PREX2: variants seen among roughly 807,000 people sequenced by gnomAD.
PREX2 encodes phosphatidylinositol-3,4,5-trisphosphate dependent Rac exchange factor 2, also known as phosphatidylinositol 3,4,5-trisphosphate-dependent Rac exchanger 2 protein.
Under a neutral mutation model 203.2 loss-of-function variants are expected in PREX2, and 107 were observed. The ratio of observed to expected loss-of-function variants is 0.53; its 90% CI spans 0.45 to 0.62. The LOEUF (loss-of-function observed/expected upper bound fraction) is 0.62. Among genes scored for constraint, PREX2 ranks in the 20% least tolerant of loss-of-function variants. The pLI is 0.00. For synonymous variants in PREX2, 672 were observed against 663.6 expected (o/e 1.01, Z -0.19); for missense variants, 1,777 against 1,955.9 (o/e 0.91, Z 1.72).
chr8:68,161,645 A>C (rs191613024), intron 35 of PREX2, among the ~76,000 whole-genome samples: 115 of 152,270 alleles, frequency 7.6e-4, no homozygotes, highest in Non-Finnish European at 1.3e-3. Flanking sequence ...CATAGGACAA[A>C]AATTTACTTT....
intron 1 of PREX2, among the ~76,000 whole-genome samples, chr8:67,972,852 A>G (rs1054228180): frequency 1.3e-5 from 2 of 152,196 alleles, no homozygotes; most frequent in Non-Finnish European, 2.9e-5. Flanking sequence ...TCCCAAAATC[A>G]TGTCTTCTAT....
intron 21 of PREX2, 100 bp from the exon 22 acceptor site, chr8:68,096,917 T>C (rs982677352): frequency 2.1e-6 from 2 of 950,922 alleles, no homozygotes; most frequent in East Asian, 2.5e-5. Flanking sequence ...AACCATCCCT[T>C]AAAGAACTCT....
intron 20 of PREX2, 23 bp from the exon 21 acceptor site, chr8:68,093,581 GT>G: frequency 2.4e-6 from 3 of 1,237,866 alleles, no homozygotes; most frequent in Non-Finnish European, 3.5e-6. Flanking sequence ...TACCTCTGAG[GT>G]TTCTTTCCCC....
chr8:68,168,400 A>G (rs1267574426), intron 35 of PREX2, among the ~76,000 whole-genome samples: 1 of 152,234 alleles, frequency 6.6e-6, no homozygotes, highest in Non-Finnish European at 1.5e-5. Context: ...ATTATACTTT[A>G]TTAAGAAAAT....
Position 68,087,771 on chromosome 8 carries a change from G to A in PREX2, c.2075G>A (p.Arg692Gln), listed in dbSNP as rs754576257. ...DSADGLGFQI[R>Q]GFGPSVVHAV... ...GCTGATGGACTTGGCTTCCAGATCCGGGGATTTGGCCCTTCTGTTGTGCAT... is the reference window on the plus strand; with the variant it reads ...GCTGATGGACTTGGCTTCCAGATCCAGGGATTTGGCCCTTCTGTTGTGCAT... The change falls in exon 19 of 40, where the codon CGG (arginine) becomes CAG (glutamine). Residue 692 changes from arginine to glutamine, a missense_variant. By Grantham distance (43) the Arg-to-Gln change is conservative. Coordinates refer to ENST00000288368, the MANE Select transcript of PREX2 (RefSeq NM_024870.4). 31 of 1,613,430 alleles carry A rather than the reference G, an allele frequency of 1.9e-5. No homozygotes were observed. The highest frequency in any genetic ancestry group is 1.5e-4 in the African/African-American group (11 of 74,868).
At chr8:68,156,204 G>A (rs1811541020) in intron 34 of PREX2, among the ~76,000 whole-genome samples, 1 of 152,072 alleles carries the variant, frequency 6.6e-6, no homozygotes, top group African/African-American at 2.4e-5. Flanking sequence ...AGGACTACGG[G>A]TGCATGCCAC....
chr8:68,187,045 A>C (rs1202350398), intron 35 of PREX2, among the ~76,000 whole-genome samples: 2 of 145,850 alleles, frequency 1.4e-5, no homozygotes, highest in Non-Finnish European at 3.0e-5. Context: ...TTTTTTTTTT[A>C]AGGAACATCT....
At chr8:68,001,071 A>T (rs1806923113) in intron 1 of PREX2, among the ~76,000 whole-genome samples, 1 of 152,250 alleles carries the variant, frequency 6.6e-6, no homozygotes, top group Non-Finnish European at 1.5e-5. Flanking sequence ...TGCCAAAGCA[A>T]TCATAACAAA....
intron 22 of PREX2, among the ~76,000 whole-genome samples, 155 bp downstream of exon 22, chr8:68,097,356 A>C (rs1205032210): frequency 2.0e-5 from 3 of 148,044 alleles, no homozygotes. Flanking sequence ...ACAGAATATC[A>C]CTCTGTCACC....
At chr8:68,095,917 C>T (rs746274261) in intron 21 of PREX2, among the ~76,000 whole-genome samples, 7 of 152,106 alleles carry the variant, frequency 4.6e-5, no homozygotes, top group Non-Finnish European at 7.4e-5. Flanking sequence ...GTTGGGATTA[C>T]AGGCATGAGT....
At chr8:67,970,764 A>G (rs938100639) in intron 1 of PREX2, among the ~76,000 whole-genome samples, 2 of 152,208 alleles carry the variant, frequency 1.3e-5, no homozygotes, top group African/African-American at 4.8e-5. Context: ...TTCCAAGTGC[A>G]TGTCAGGAGG....
Position 67,952,300 on chromosome 8 carries a change from C to G in PREX2, c.-95C>G. On this transcript the variant is annotated 5_prime_UTR_variant, in exon 1 of 40. Coordinates refer to ENST00000288368, the MANE Select transcript of PREX2 (RefSeq NM_024870.4). ...TCCTCGGAGTTGGCGGAGGCGGCAA[C>G]TTTCCATTCTCGCCGCCGGGGGCCG... The G allele has an allele frequency of 8.7e-7, 1 of 1,145,078 alleles. No homozygotes were observed. Among genetic ancestry groups the G allele is most frequent in the Non-Finnish European group, 1.1e-6 (1 of 891,322 alleles). 70.9% of individuals were successfully genotyped at this position (1,145,078 alleles called of 1,614,324 possible).
Position 68,118,553 on chromosome 8 carries a change from C to T in PREX2, c.3330C>T (p.Asp1110=). ...ACATGAAACCTGTTGTTTTCAGTGA[C>T]TGCAACAGCAATAGGAATTCCATCG... ...DTISNRDSYS[D]CNSNRNSIAS... is the part of the protein sequence containing the mutation. Residue 1110 remains aspartate, a synonymous_variant, in exon 27 of 40, where the codon GAC becomes GAT. Coordinates refer to ENST00000288368, the MANE Select transcript of PREX2 (RefSeq NM_024870.4). 1 of 1,612,720 alleles carries T rather than the reference C, an allele frequency of 6.2e-7. No homozygotes were observed. Among genetic ancestry groups the T allele is most frequent in the Non-Finnish European group, 8.5e-7 (1 of 1,178,752 alleles).
At chr8:68,077,188 A>C (rs1809376035) in intron 14 of PREX2, among the ~76,000 whole-genome samples, 1 of 152,246 alleles carries the variant, frequency 6.6e-6, no homozygotes, top group African/African-American at 2.4e-5. Context: ...AGAAATATTA[A>C]ATCTTTGTTT....
chr8:68,098,968 A>ATG (rs1810177840), intron 22 of PREX2, among the ~76,000 whole-genome samples: 1 of 121,640 alleles, frequency 8.2e-6, no homozygotes, highest in Non-Finnish European at 1.9e-5. Flanking sequence ...ATATATATAT[A>ATG]TATATATATC....
chr8:68,011,795 G>A (rs1563499127), intron 1 of PREX2, among the ~76,000 whole-genome samples: 2 of 152,036 alleles, frequency 1.3e-5, no homozygotes, highest in Non-Finnish European at 2.9e-5. Context: ...TAATAATTTT[G>A]TAGGCTGAGC....
chr8:68,155,035 TACATTCC>T (rs139986427), intron 34 of PREX2, among the ~76,000 whole-genome samples: 43 of 152,276 alleles, frequency 2.8e-4, no homozygotes, highest in African/African-American at 8.9e-4. Context: ...CTAGGTGGGT[TACATTCC>T]ACAGTCTTCT....
At chr8:67,960,228 G>A (rs1805597668) in intron 1 of PREX2, among the ~76,000 whole-genome samples, 1 of 152,062 alleles carries the variant, frequency 6.6e-6, no homozygotes, top group Admixed American at 6.5e-5. Flanking sequence ...ATTTAGTAGA[G>A]ACGGGGTTTC....
At chr8:68,130,626 C>T (rs1271521558) in intron 31 of PREX2, among the ~76,000 whole-genome samples, 1 of 152,148 alleles carries the variant, frequency 6.6e-6, no homozygotes, top group Non-Finnish European at 1.5e-5. Flanking sequence ...GAGGAATGAA[C>T]CCCATTTTCC....
Sources: allele counts gnomAD v4.1 joint callset (sites outside exome capture counted in the v4.1 genomes callset), GRCh38; gene constraint gnomAD v4.1.1; transcripts MANE v1.5; gene names NCBI Gene and HGNC (gene_info 2026-07-23, HGNC 2026-07-21).